COPG2: variants seen among roughly 807,000 people sequenced by gnomAD.
COPG2 encodes coatomer subunit gamma-2.
COPG2 carries 37 observed loss-of-function variants against 46.3 expected under a neutral mutation model. That is an observed-to-expected ratio of 0.80 (90% confidence interval 0.61 to 1.05). COPG2 has a LOEUF of 1.05. COPG2 is among the 50% of genes least tolerant of loss of function. The pLI, the probability that COPG2 is intolerant of heterozygous loss-of-function variation, is 0.00. For synonymous variants in COPG2, 159 were observed against 129.7 expected, an observed-to-expected ratio of 1.23 and a Z score of -1.53; for missense variants, 427 against 387.8, an observed-to-expected ratio of 1.10 and a Z score of -0.85.
intron 5 of COPG2, among the ~76,000 whole-genome samples, chr7:130,637,395 C>G (rs561584160): frequency 6.6e-6 from 1 of 152,276 alleles, no homozygotes. Context: ...GACATAGTCC[C>G]ATATTTCTTG....
At chr7:130,654,220 C>A (rs1305885308) in intron 4 of COPG2, among the ~76,000 whole-genome samples, 1 of 152,090 alleles carries the variant, frequency 6.6e-6, no homozygotes, top group Non-Finnish European at 1.5e-5. Context: ...TAAACAAATA[C>A]ACAGAAATGC....
At chr7:130,574,545 C>G (rs1003509437) in intron 9 of COPG2, among the ~76,000 whole-genome samples, 2 of 152,174 alleles carry the variant, frequency 1.3e-5, no homozygotes, top group Non-Finnish European at 2.9e-5. Context: ...ATCAGAACAA[C>G]AGACTTCCGC....
At chr7:130,625,346 T>C (rs1309889259) in intron 5 of COPG2, among the ~76,000 whole-genome samples, 5 of 152,216 alleles carry the variant, frequency 3.3e-5, no homozygotes, top group African/African-American at 9.6e-5. Flanking sequence ...TAAAAACAGA[T>C]AGCTTTACTT....
At chr7:130,552,179 T>C (rs980173936) in intron 15 of COPG2, among the ~76,000 whole-genome samples, 176 bp downstream of exon 15, 6,295 of 152,236 alleles carry the variant, frequency 0.041, 189 homozygotes, top group Admixed American at 0.087. Flanking sequence ...ATCAAATTGA[T>C]TGGGAGGTAT....
chr7:130,539,216 G>A (rs1278224052), intron 20 of COPG2, among the ~76,000 whole-genome samples: 1 of 152,130 alleles, frequency 6.6e-6, no homozygotes, highest in Non-Finnish European at 1.5e-5. Flanking sequence ...GATGGGCAGG[G>A]GTGCATGGGC....
intron 9 of COPG2, among the ~76,000 whole-genome samples, chr7:130,579,959 A>AC (rs1158491305): frequency 1.3e-5 from 2 of 151,642 alleles, no homozygotes; most frequent in African/African-American, 4.8e-5. Flanking sequence ...CAACAAGGAT[A>AC]CCCAGGAATT....
intron 20 of COPG2, chr7:130,509,805 A>G (rs1400876434): frequency 5.9e-6 from 3 of 509,592 alleles, no homozygotes; most frequent in Admixed American, 4.0e-5. Context: ...AGATCCTTTA[A>G]GTTTTAAGAG....
chr7:130,513,309 A>AAAC (rs1563033987), intron 20 of COPG2, among the ~76,000 whole-genome samples: 1 of 48,920 alleles, frequency 2.0e-5, no homozygotes, highest in Non-Finnish European at 3.4e-5. Context: ...AAAAAAAAAA[A>AAAC]TATATATATA....
At chr7:130,645,684 T>G (rs1795582383) in intron 5 of COPG2, 1 of 156,730 alleles carries the variant, frequency 6.4e-6, no homozygotes, top group Admixed American at 6.5e-5. Context: ...AGATAAGAAC[T>G]CTAAGGTGGA....
At position 130,612,143 on chromosome 7, in the gene COPG2, T is replaced by C. The variant is rs1554452185; in HGVS notation, c.579+9A>G. The C allele has an allele frequency of 5.0e-6, 8 of 1,589,880 alleles. No individual in the cohort carries two copies. Among genetic ancestry groups the C allele is most frequent in the Non-Finnish European group, 6.0e-6 (7 of 1,159,844 alleles). On this transcript the variant is annotated intron_variant, in intron 8 of 23. Transcript: ENST00000425248. ...CCTGAGACAAGCTAATGTGATTCAA[T>C]GACAATACCTGGACCATAATATTAT...
chr7:130,592,441 C>A (rs1794449912), intron 9 of COPG2, among the ~76,000 whole-genome samples: 1 of 144,432 alleles, frequency 6.9e-6, no homozygotes, highest in African/African-American at 2.6e-5. Context: ...TAGTACAAAA[C>A]TAGAAAATAA....
chr7:130,607,177 G>A (rs1794748811), intron 9 of COPG2, among the ~76,000 whole-genome samples: 1 of 151,772 alleles, frequency 6.6e-6, no homozygotes, highest in African/African-American at 2.4e-5. Context: ...GAAGGCAGAG[G>A]TTGCAGTGAG....
At chr7:130,647,542 A>G (rs1308519975) in intron 5 of COPG2, among the ~76,000 whole-genome samples, 2 of 152,064 alleles carry the variant, frequency 1.3e-5, no homozygotes, top group Non-Finnish European at 2.9e-5. Context: ...CAGGGCAGGT[A>G]TATAATTAAC....
At chr7:130,575,217 C>A (rs782055470) in intron 9 of COPG2, among the ~76,000 whole-genome samples, 1 of 152,164 alleles carries the variant, frequency 6.6e-6, no homozygotes, top group East Asian at 1.9e-4. Context: ...CTGGGAAATT[C>A]ATTGCAAAAG....
chr7:130,627,861 C>A (rs1795145764), intron 5 of COPG2, among the ~76,000 whole-genome samples: 1 of 152,240 alleles, frequency 6.6e-6, no homozygotes, highest in Middle Eastern at 3.4e-3. Context: ...TCTTTTTACT[C>A]AAAGTGGTTT....
At chr7:130,554,852 G>C (rs1422128355) in intron 13 of COPG2, 128 bp from the exon 14 acceptor site, 1 of 397,556 alleles carries the variant, frequency 2.5e-6, no homozygotes, top group Non-Finnish European at 4.4e-6. Context: ...AAGCAAAAGT[G>C]TTTTTTCTCC....
intron 5 of COPG2, among the ~76,000 whole-genome samples, chr7:130,641,175 C>CAAAAAAAAA (rs34617870): frequency 1.1e-5 from 1 of 87,926 alleles, no homozygotes; most frequent in Non-Finnish European, 2.0e-5. Flanking sequence ...CCCTACCTCT[C>CAAAAAAAAA]AAAAAAAAAA....
At chr7:130,519,503 A>T (rs1236154217) in intron 20 of COPG2, among the ~76,000 whole-genome samples, 1 of 152,222 alleles carries the variant, frequency 6.6e-6, no homozygotes, top group Non-Finnish European at 1.5e-5. Context: ...ATCATCCAAA[A>T]GAGATGTTTA....
At chr7:130,632,159 A>C (rs967011122) in intron 5 of COPG2, among the ~76,000 whole-genome samples, 3 of 152,196 alleles carry the variant, frequency 2.0e-5, no homozygotes, top group Non-Finnish European at 4.4e-5. Context: ...CTGGTGACAA[A>C]TACCTTTTAG....
Sources: allele counts gnomAD v4.1 joint callset (sites outside exome capture counted in the v4.1 genomes callset), GRCh38; gene constraint gnomAD v4.1.1; transcripts MANE v1.5; gene names NCBI Gene and HGNC (gene_info 2026-07-23, HGNC 2026-07-21).